APH1B: variants seen among roughly 807,000 people sequenced by gnomAD.
The protein encoded by APH1B is aph-1B gamma-secretase subunit, also known as gamma-secretase subunit APH-1B.
In APH1B, 27 loss-of-function variants were observed where a neutral mutation model predicts 28.2. That is an observed-to-expected ratio of 0.96 (90% CI 0.70 to 1.32). The LOEUF (loss-of-function observed/expected upper bound fraction) is 1.32. Among genes scored for constraint, APH1B ranks in the 40% most tolerant of loss-of-function variants. The probability of loss-of-function intolerance (pLI) is 0.00; values close to 1 mark genes in which losing one functional copy is unlikely to be tolerated. For missense variants in APH1B, 305 were observed against 313.6 expected (o/e 0.97, Z 0.21); for synonymous variants, 141 against 124.6 (o/e 1.13, Z -0.88).
chr15:63,298,528 C>T (rs1265294243), intron 4 of APH1B, among the ~76,000 whole-genome samples: 2 of 152,172 alleles, frequency 1.3e-5, no homozygotes, highest in African/African-American at 4.8e-5. Flanking sequence ...ATTTTTAAGA[C>T]ATAGTCAAGT....
At chr15:63,283,115 G>T (rs4984258) in intron 2 of APH1B, among the ~76,000 whole-genome samples, 1 of 152,184 alleles carries the variant, frequency 6.6e-6, no homozygotes, top group Non-Finnish European at 1.5e-5. Context: ...AGTGCTGTTA[G>T]TTTTCCTCCC....
intron 4 of APH1B, among the ~76,000 whole-genome samples, chr15:63,287,937 A>T (rs2038464784): frequency 6.6e-6 from 1 of 152,208 alleles, no homozygotes; most frequent in African/African-American, 2.4e-5. Flanking sequence ...TTAATCTGAA[A>T]TTGAGAGGAA....
intron 3 of APH1B, among the ~76,000 whole-genome samples, chr15:63,286,900 T>A (rs2038452762): frequency 6.6e-6 from 1 of 152,254 alleles, no homozygotes; most frequent in African/African-American, 2.4e-5. Flanking sequence ...TAAGATTTTC[T>A]AGATGATGAA....
At chr15:63,277,990 T>C (rs2038343461) in intron 1 of APH1B, 1 of 532,596 alleles carries the variant, frequency 1.9e-6, no homozygotes, top group African/African-American at 1.9e-5. Context: ...GCTACTAAAG[T>C]TGTATAAAAA....
Position 63,287,537 on chromosome 15 carries a change from C to G in APH1B, c.469C>G (p.Leu157Val), listed in dbSNP as rs201178806. The G allele has an allele frequency of 3.7e-6, 6 of 1,613,880 alleles. No individual in the cohort carries two copies. In the East Asian group the frequency reaches 1.3e-4, roughly 36 times the overall value. ...GIHGDSPQFF[L>V]YSAFMTLVII... is the part of the protein sequence containing the mutation. ...TCATGGAGATTCTCCTCAATTCTTC[C>G]TTTATTCAGGTATGTGTCTCATAGC... The change falls in exon 4 of 6, where the codon CTT becomes GTT. Residue 157 changes from leucine to valine, a missense_variant. Leu to Val is a conservative substitution (Grantham distance 32). Coordinates refer to ENST00000261879, the MANE Select transcript of APH1B (RefSeq NM_031301.4).
At chr15:63,298,795 G>A (rs1465681768) in intron 4 of APH1B, among the ~76,000 whole-genome samples, 5 of 152,108 alleles carry the variant, frequency 3.3e-5, no homozygotes, top group Middle Eastern at 3.4e-3. Flanking sequence ...CCAAAGCCAC[G>A]CAGTGGAGCT....
rs2038682697 is a variant in APH1B, at chr15:63,305,849, C to G, written c.*68C>G. On this transcript the variant is annotated 3_prime_UTR_variant, in exon 6 of 6. Transcript: ENST00000261879. Reference sequence around the variant, plus strand: ...AGAGGAAGCACAACTGTGCCTTTTTCTGAAAATCCCTTTTTCTGGTGGAAT... The same window carrying G: ...AGAGGAAGCACAACTGTGCCTTTTTGTGAAAATCCCTTTTTCTGGTGGAAT... 6.5e-7 allele frequency: 1 copy of G among 1,530,308 alleles called. No homozygotes were observed. 94.8% of individuals were successfully genotyped at this position (1,530,308 alleles called of 1,614,324 possible).
intron 4 of APH1B, among the ~76,000 whole-genome samples, chr15:63,293,838 C>T (rs1323453965): frequency 1.3e-5 from 2 of 152,130 alleles, no homozygotes; most frequent in African/African-American, 4.8e-5. Flanking sequence ...GATCATGGCT[C>T]ACTGCATCCT....
chr15:63,297,154 G>A (rs2152599570), intron 4 of APH1B, among the ~76,000 whole-genome samples: 1 of 152,244 alleles, frequency 6.6e-6, no homozygotes, highest in Non-Finnish European at 1.5e-5. Flanking sequence ...AATTATGGAA[G>A]CTCCTTTTAT....
At chr15:63,299,008 G>A (rs2038596670) in intron 4 of APH1B, among the ~76,000 whole-genome samples, 4 of 152,146 alleles carry the variant, frequency 2.6e-5, no homozygotes, top group South Asian at 2.1e-4. Flanking sequence ...GTGAAATGGA[G>A]AGGGGTGGTG....
At position 63,277,692 on chromosome 15, in the gene APH1B, C is replaced by T. The variant is rs2038338695; in HGVS notation, c.69C>T (p.Phe23=). The T allele has an allele frequency of 1.2e-6, 2 of 1,611,762 alleles. No individual in the cohort carries two copies. The highest frequency in any genetic ancestry group is 1.7e-6 in the Non-Finnish European group (2 of 1,179,038). ...GGCCTGCGCTCGCCCTTTATGTCTT[C>T]ACCATCGCCACCGAGCCGTTGCGTA... ...AFGPALALYV[F]TIATEPLRII... is the part of the protein sequence containing the mutation. Residue 23 remains phenylalanine (F), a synonymous_variant, in exon 1 of 6, where the codon TTC becomes TTT. Coordinates refer to ENST00000261879, the MANE Select transcript of APH1B (RefSeq NM_031301.4).
At chr15:63,303,633 C>G (rs2038655614) in intron 5 of APH1B, among the ~76,000 whole-genome samples, 1 of 152,082 alleles carries the variant, frequency 6.6e-6, no homozygotes, top group Non-Finnish European at 1.5e-5. Flanking sequence ...GTAGCTGGGA[C>G]TATGGGCATG....
chr15:63,284,285 C>G (rs1387308149), intron 2 of APH1B, among the ~76,000 whole-genome samples: 1 of 150,736 alleles, frequency 6.6e-6, no homozygotes, highest in East Asian at 1.9e-4. Context: ...GCAATCTCAG[C>G]TCACTGCAGC....
intron 4 of APH1B, among the ~76,000 whole-genome samples, chr15:63,288,361 AT>A (rs150178945): frequency 0.031 from 4,747 of 152,304 alleles, 219 homozygotes; most frequent in African/African-American, 0.1. Context: ...GGTATGACCA[AT>A]TTTTAAAAAT....
At chr15:63,296,545 C>T (rs919325200) in intron 4 of APH1B, among the ~76,000 whole-genome samples, 3 of 151,870 alleles carry the variant, frequency 2.0e-5, no homozygotes, top group East Asian at 1.9e-4. Flanking sequence ...AAATAGGCAT[C>T]GGGAATGAGG....
chr15:63,282,529 A>AT (rs961991611), intron 2 of APH1B, among the ~76,000 whole-genome samples: 2 of 152,096 alleles, frequency 1.3e-5, no homozygotes, highest in African/African-American at 4.8e-5. Context: ...TTCTGCAGTA[A>AT]TTTTTTTAAA....
chr15:63,280,644 A>G (rs2038376762), intron 2 of APH1B, among the ~76,000 whole-genome samples: 1 of 152,250 alleles, frequency 6.6e-6, no homozygotes. Flanking sequence ...CAAAAATCAT[A>G]TCTTAGAAAA....
intron 5 of APH1B, among the ~76,000 whole-genome samples, chr15:63,303,736 T>C (rs2038657102): frequency 6.6e-6 from 1 of 152,120 alleles, no homozygotes; most frequent in Admixed American, 6.5e-5. Flanking sequence ...CAAGCGATCC[T>C]CCTCTCTCAG....
intron 2 of APH1B, 70 bp downstream of exon 2, chr15:63,279,401 C>T (rs549845661): frequency 8.4e-6 from 12 of 1,435,914 alleles, no homozygotes; most frequent in African/African-American, 5.6e-5. Context: ...TCATTTGAAA[C>T]GTGAATATAG....
Sources: allele counts gnomAD v4.1 joint callset (sites outside exome capture counted in the v4.1 genomes callset), GRCh38; gene constraint gnomAD v4.1.1; transcripts MANE v1.5; gene names NCBI Gene and HGNC (gene_info 2026-07-23, HGNC 2026-07-21).